PAXIP1: variants seen among roughly 807,000 people sequenced by gnomAD.
The protein encoded by PAXIP1 is PAX interacting protein 1.
A neutral mutation model predicts 140.6 loss-of-function variants in PAXIP1; 19 were observed. The ratio of observed to expected loss-of-function variants is 0.14; its 90% CI spans 0.09 to 0.20. PAXIP1 has a LOEUF of 0.20. Ranked by LOEUF, PAXIP1 falls within the 10% of genes least tolerant of loss-of-function variation. The pLI, the probability that PAXIP1 is intolerant of heterozygous loss-of-function variation, is 1.00. For missense variants in PAXIP1, 920 were observed against 1,208.6 expected (o/e 0.76, Z 3.54); for synonymous variants, 442 against 444.6 (o/e 0.99, Z 0.07).
intron 9 of PAXIP1, chr7:154,962,760 G>A: frequency 5.1e-6 from 1 of 194,836 alleles, no homozygotes; most frequent in Non-Finnish European, 1.1e-5. Flanking sequence ...AAAGTTAAAA[G>A]TGCCCCATAA....
At chr7:154,999,895 T>C (rs1810808766) in intron 1 of PAXIP1, among the ~76,000 whole-genome samples, 2 of 152,056 alleles carry the variant, frequency 1.3e-5, no homozygotes, top group Non-Finnish European at 2.9e-5. Flanking sequence ...ACACAGCAAC[T>C]GATACTTCAG....
chr7:154,988,981 T>C (rs903801025), intron 4 of PAXIP1, among the ~76,000 whole-genome samples: 5 of 152,220 alleles, frequency 3.3e-5, no homozygotes, highest in Admixed American at 6.5e-5. Flanking sequence ...CAGCATTTCT[T>C]TTCTCATTTT....
chr7:154,985,292 T>A (rs1473250509), intron 4 of PAXIP1, among the ~76,000 whole-genome samples: 1 of 152,206 alleles, frequency 6.6e-6, no homozygotes, highest in East Asian at 1.9e-4. Context: ...AAAAACCATC[T>A]TTCCAAAATA....
chr7:154,980,336 C>T (rs1402214446), intron 5 of PAXIP1, among the ~76,000 whole-genome samples: 1 of 151,928 alleles, frequency 6.6e-6, no homozygotes, highest in African/African-American at 2.4e-5. Flanking sequence ...AGATATACAA[C>T]ATTAATCTTT....
intron 6 of PAXIP1, among the ~76,000 whole-genome samples, chr7:154,971,093 C>A (rs1342763378): frequency 6.6e-6 from 1 of 152,212 alleles, no homozygotes; most frequent in Admixed American, 6.5e-5. Flanking sequence ...AGGCCAGAGG[C>A]TCCTATTTTT....
chr7:154,961,438 A>G, intron 11 of PAXIP1, 89 bp downstream of exon 11: 2 of 1,072,268 alleles, frequency 1.9e-6, no homozygotes, highest in Non-Finnish European at 1.3e-6. Context: ...CCACAAAACT[A>G]TGACATACTA....
chr7:154,978,231 T>C (rs1016076349), intron 5 of PAXIP1, among the ~76,000 whole-genome samples: 10 of 152,356 alleles, frequency 6.6e-5, no homozygotes, highest in African/African-American at 2.2e-4. Flanking sequence ...TGCACAGCTG[T>C]GTACCTTAGT....
intron 20 of PAXIP1, chr7:154,945,850 G>A: frequency 1.0e-6 from 1 of 984,990 alleles, no homozygotes; most frequent in Non-Finnish European, 1.2e-6. Flanking sequence ...CTGAATGTCT[G>A]AAATAGAAAA....
At chr7:154,994,891 C>T (rs1013041415) in intron 2 of PAXIP1, among the ~76,000 whole-genome samples, 12 of 152,266 alleles carry the variant, frequency 7.9e-5, no homozygotes, top group Admixed American at 2.0e-4. Context: ...CTTAATTTTT[C>T]GATCTATGTG....
chr7:154,976,191 C>A lies in PAXIP1; in HGVS notation c.579G>T (p.Glu193Asp). The A allele has an allele frequency of 6.2e-7, 1 of 1,610,554 alleles. No homozygotes were observed. Among genetic ancestry groups the A allele is most frequent in the East Asian group, 2.2e-5 (1 of 44,848 alleles). ...CTACTTCCTCCTCCTCTTCCTCTTC[C>A]TCTTCTTCCTCTTCATAAATAATCA... is the stretch of plus-strand genomic sequence containing the variant. ...PRLIIYEEEE[E>D]EEEEEEEVEN... The change falls in exon 6 of 21, where the codon GAG becomes GAT. Residue 193 changes from glutamate (E) to aspartate (D), a missense_variant. By Grantham distance (45) the Glu-to-Asp change is conservative (BLOSUM62 2). Transcript: ENST00000404141.
chr7:154,958,217 G>C (rs1482331624), intron 13 of PAXIP1, among the ~76,000 whole-genome samples: 1 of 152,154 alleles, frequency 6.6e-6, no homozygotes, highest in Non-Finnish European at 1.5e-5. Context: ...GCCATGCCAA[G>C]CACAAAGAGA....
intron 13 of PAXIP1, 30 bp from the exon 14 acceptor site, chr7:154,957,324 C>T (rs1392247147): frequency 4.8e-6 from 6 of 1,252,696 alleles, no homozygotes; most frequent in Non-Finnish European, 6.9e-6. Context: ...GACTTTAATT[C>T]AATCAATCTA....
chr7:154,992,847 A>C (rs1293261492), intron 3 of PAXIP1, among the ~76,000 whole-genome samples: 1 of 152,176 alleles, frequency 6.6e-6, no homozygotes, highest in African/African-American at 2.4e-5. Flanking sequence ...TTGTAGAGGA[A>C]TGTTTTCCCT....
chr7:154,997,110 G>T (rs920747138), intron 2 of PAXIP1, among the ~76,000 whole-genome samples: 7 of 152,164 alleles, frequency 4.6e-5, no homozygotes, highest in African/African-American at 1.7e-4. Context: ...CAAAGAAGAG[G>T]GTGCCCCAGC....
intron 6 of PAXIP1, among the ~76,000 whole-genome samples, chr7:154,970,587 A>G (rs1809255668): frequency 6.6e-6 from 1 of 152,274 alleles, no homozygotes; most frequent in Non-Finnish European, 1.5e-5. Flanking sequence ...ATTTAAAAGT[A>G]TTTTTAAAAA....
chr7:154,975,966 C>A lies in PAXIP1; in HGVS notation c.804G>T (p.Pro268=). Residue 268 remains proline (P), a synonymous_variant, in exon 6 of 21, where the codon CCG becomes CCT. Coordinates refer to ENST00000404141, the MANE Select transcript of PAXIP1 (RefSeq NM_007349.4). The part of the protein sequence containing the change: ...EKQERNLNWT[P]AEVPQLAAAK... ...CTGCAGCTAACTGTGGGACTTCGGCCGGGGTCCAGTTTAAATTTCTCTCCT... is the reference window on the plus strand; with the variant it reads ...CTGCAGCTAACTGTGGGACTTCGGCAGGGGTCCAGTTTAAATTTCTCTCCT... 1 of 1,613,752 alleles carries A rather than the reference C, an allele frequency of 6.2e-7. No individual in the cohort carries two copies.
At position 154,962,321 on chromosome 7, in the gene PAXIP1, A is replaced by G; in HGVS notation, c.2127T>C (p.His709=). Residue 709 remains histidine (H), a splice_region_variant and synonymous_variant, in exon 10 of 21, where the codon CAT becomes CAC. Transcript: ENST00000404141. ...ATGGAACGCGAGGACTCTGTCTTAC[A>G]TGCTGTGAACATGGCTTTCCTCCTG... ...FPPGGKPCSQ[H]IISVTGFVDS... The G allele has an allele frequency of 6.2e-7, 1 of 1,613,842 alleles. No homozygotes were observed.
At chr7:154,953,255 C>T (rs548240925) in intron 16 of PAXIP1, among the ~76,000 whole-genome samples, 6 of 152,016 alleles carry the variant, frequency 3.9e-5, no homozygotes, top group East Asian at 1.9e-4. Flanking sequence ...CTTAAGGGGT[C>T]GGGGGCGAGG....
intron 2 of PAXIP1, among the ~76,000 whole-genome samples, chr7:154,995,131 T>G (rs1314575344): frequency 6.6e-6 from 1 of 152,142 alleles, no homozygotes; most frequent in African/African-American, 2.4e-5. Flanking sequence ...TCTTTCTAAT[T>G]GTCCTTTTGT....
Sources: allele counts gnomAD v4.1 joint callset (sites outside exome capture counted in the v4.1 genomes callset), GRCh38; gene constraint gnomAD v4.1.1; transcripts MANE v1.5; gene names NCBI Gene and HGNC (gene_info 2026-07-23, HGNC 2026-07-21).